Variants in GPC4 observed in about 807,000 individuals in gnomAD.
GPC4 encodes the protein glypican-4.
A neutral mutation model predicts 35.0 loss-of-function variants in GPC4; 10 were observed. The observed-to-expected ratio is 0.29, with a 90% CI of 0.18 to 0.48. The LOEUF (loss-of-function observed/expected upper bound fraction) is 0.48, where lower values mean the gene tolerates loss of function less well. GPC4 is among the 20% of genes least tolerant of loss of function. The pLI, the probability that GPC4 is intolerant of heterozygous loss-of-function variation, is 0.99. For missense variants in GPC4, 322 were observed against 451.3 expected, an observed-to-expected ratio of 0.71 and a Z score of 2.60; for synonymous variants, 167 against 170.2, an observed-to-expected ratio of 0.98 and a Z score of 0.15.
At chrX:133,327,630 C>T (rs1363591847) in intron 2 of GPC4, among the ~76,000 whole-genome samples, 2 of 76,424 alleles carry the variant, frequency 2.6e-5, no homozygotes, top group Non-Finnish European at 4.7e-5. Context: ...ACATTCTGTC[C>T]AGGAAAGTGT....
chrX:133,339,064 G>T, intron 2 of GPC4, 119 bp downstream of exon 2: 1 of 671,778 alleles, frequency 1.5e-6, no homozygotes, highest in Non-Finnish European at 2.3e-6. Context: ...CTCGTCTCTG[G>T]TATCCAACAA....
intron 1 of GPC4, among the ~76,000 whole-genome samples, chrX:133,375,604 T>C (rs1253114713): frequency 2.7e-5 from 3 of 112,258 alleles, no homozygotes; most frequent in African/African-American, 9.7e-5. Context: ...CCACTTGTAC[T>C]TGGGAATACC....
intron 2 of GPC4, among the ~76,000 whole-genome samples, chrX:133,331,180 G>T (rs955211632): frequency 6.3e-5 from 7 of 111,716 alleles, no homozygotes; most frequent in African/African-American, 2.3e-4. Flanking sequence ...CCCATCTTTG[G>T]CTAATGTGGC....
Position 133,415,206 on chromosome X carries a change from A to AGGCGGCGCGCGGCCCAGGGAAGC in GPC4, c.-264_-242dup. ...GGGCCAGGGGAGAAGGAGGGCGTGG[A>AGGCGGCGCGCGGCCCAGGGAAGC]GGCGGCGCGCGGCCCAGGGAAGCAG... On this transcript the variant is annotated 5_prime_UTR_variant, in exon 1 of 9. Transcript: ENST00000370828. 1 of 367,383 alleles carries AGGCGGCGCGCGGCCCAGGGAAGC rather than the reference A, an allele frequency of 2.7e-6. No individual in the cohort carries two copies. 30.3% of individuals were successfully genotyped at this position (367,383 alleles called of 1,213,427 possible).
chrX:133,413,697 C>T (rs1012984883), intron 1 of GPC4, among the ~76,000 whole-genome samples: 4 of 111,642 alleles, frequency 3.6e-5, no homozygotes, highest in Admixed American at 9.4e-5. Flanking sequence ...CAGCTAGATT[C>T]GTGGTGCTTT....
chrX:133,324,602 T>G (rs1472138611), intron 2 of GPC4, 66 bp from the exon 3 acceptor site: 2 of 975,813 alleles, frequency 2.0e-6, no homozygotes, highest in African/African-American at 4.0e-5. Flanking sequence ...TTTAAATAAC[T>G]GCTTTTCCAG....
At chrX:133,374,720 C>T (rs991858939) in intron 1 of GPC4, among the ~76,000 whole-genome samples, 14 of 112,057 alleles carry the variant, frequency 1.2e-4, no homozygotes, top group African/African-American at 4.5e-4. Flanking sequence ...GAACCAGGAG[C>T]TCCTCATAGC....
intron 1 of GPC4, among the ~76,000 whole-genome samples, chrX:133,397,147 G>C (rs751620128): frequency 8.9e-6 from 1 of 112,232 alleles, no homozygotes; most frequent in South Asian, 3.7e-4. Context: ...AGCAGAGGCC[G>C]GGCACAGCAG....
intron 3 of GPC4, among the ~76,000 whole-genome samples, chrX:133,322,979 G>C (rs561399143): frequency 1.8e-5 from 2 of 111,480 alleles, no homozygotes; most frequent in South Asian, 3.8e-4. Context: ...ATTTCATTTG[G>C]GGGAGGGGAG....
chrX:133,391,805 G>A (rs2068720737), intron 1 of GPC4, among the ~76,000 whole-genome samples: 1 of 111,682 alleles, frequency 9.0e-6, no homozygotes, highest in Admixed American at 9.6e-5. Flanking sequence ...GAAGTGAGGA[G>A]AGTCTGGTAC....
chrX:133,325,366 G>GA (rs771430383), intron 2 of GPC4, among the ~76,000 whole-genome samples: 1 of 110,346 alleles, frequency 9.1e-6, no homozygotes, highest in African/African-American at 3.3e-5. Flanking sequence ...GAGACAACAT[G>GA]AAAAAAACTG....
chrX:133,339,616 C>T (rs1162505409), intron 1 of GPC4, among the ~76,000 whole-genome samples: 3 of 112,007 alleles, frequency 2.7e-5, no homozygotes, highest in Admixed American at 9.5e-5. Flanking sequence ...TATAATATTC[C>T]ATGTCAACTA....
At chrX:133,319,866 A>G (rs1398062760) in intron 3 of GPC4, among the ~76,000 whole-genome samples, 1 of 111,853 alleles carries the variant, frequency 8.9e-6, no homozygotes, top group Non-Finnish European at 1.9e-5. Context: ...CATACTCCAA[A>G]AATTAATGTA....
At chrX:133,388,877 A>T (rs1438967442) in intron 1 of GPC4, among the ~76,000 whole-genome samples, 3 of 108,882 alleles carry the variant, frequency 2.8e-5, no homozygotes, top group African/African-American at 1.0e-4. Flanking sequence ...AAGGCACAAT[A>T]CTAGCACACT....
At chrX:133,320,318 G>T (rs2068358115) in intron 3 of GPC4, among the ~76,000 whole-genome samples, 1 of 111,619 alleles carries the variant, frequency 9.0e-6, no homozygotes, top group Non-Finnish European at 1.9e-5. Flanking sequence ...AATTGTTAGG[G>T]TTATATTTAG....
At chrX:133,402,430 A>G (rs2124181852) in intron 1 of GPC4, among the ~76,000 whole-genome samples, 1 of 112,359 alleles carries the variant, frequency 8.9e-6, no homozygotes, top group South Asian at 3.7e-4. Context: ...ACAGGCTTTA[A>G]GAGGCCTGCA....
At chrX:133,324,675 A>T (rs2068383894) in intron 2 of GPC4, 139 bp from the exon 3 acceptor site, 1 of 587,536 alleles carries the variant, frequency 1.7e-6, no homozygotes, top group South Asian at 3.9e-5. Flanking sequence ...TATAGGGTGA[A>T]TTTCTTTTGG....
intron 1 of GPC4, among the ~76,000 whole-genome samples, chrX:133,366,638 C>T (rs1368554747): frequency 9.0e-6 from 1 of 111,409 alleles, no homozygotes; most frequent in African/African-American, 3.3e-5. Flanking sequence ...AAGTGATATT[C>T]GAAATGATGG....
chrX:133,322,469 G>A (rs1009430004), intron 3 of GPC4, among the ~76,000 whole-genome samples: 1 of 104,049 alleles, frequency 9.6e-6, no homozygotes, highest in Non-Finnish European at 2.0e-5. Context: ...AGTGACACCT[G>A]TTGTCGTCTG....
Sources: gnomAD v4.1 joint callset for allele counts (sites outside exome capture counted in the v4.1 genomes callset) on GRCh38, gnomAD v4.1.1 for gene constraint, MANE v1.5 for transcripts, NCBI Gene and HGNC (gene_info 2026-07-23, HGNC 2026-07-21) for gene names.